The following DTL variants were observed in gnomAD, a reference collection of about 807,000 sequenced individuals.
The protein encoded by DTL is denticleless protein homolog.
A neutral mutation model predicts 87.0 loss-of-function variants in DTL; 46 were observed. The ratio of observed to expected loss-of-function variants is 0.53; its 90% CI spans 0.42 to 0.68. The LOEUF is 0.68. Among genes scored for constraint, DTL ranks in the 30% least tolerant of loss-of-function variants. DTL has a pLI of 0.00. For synonymous variants in DTL, 308 were observed against 311.2 expected, an observed-to-expected ratio of 0.99 and a Z score of 0.11; for missense variants, 737 against 869.4, an observed-to-expected ratio of 0.85 and a Z score of 1.91.
intron 10 of DTL, among the ~76,000 whole-genome samples, chr1:212,071,447 A>G (rs1654667434): frequency 6.6e-6 from 1 of 152,196 alleles, no homozygotes; most frequent in South Asian, 2.1e-4. Context: ...GCTAAACCTA[A>G]TCTAGTGCCT....
rs1375062626 is a variant in DTL at position 212,068,218 on chromosome 1, T to A, written c.714-6T>A. Reference sequence around the variant, plus strand: ...CTACAAAATATTTATTTGCCTTGGTTTTTAGGATAATCAAAGTATGGGATT... The same window carrying A: ...CTACAAAATATTTATTTGCCTTGGTATTTAGGATAATCAAAGTATGGGATT... On this transcript the variant is annotated splice_region_variant and splice_polypyrimidine_tract_variant and intron_variant, in intron 8 of 14. Transcript: ENST00000366991. 1 of 1,587,366 alleles carries A rather than the reference T, an allele frequency of 6.3e-7. No homozygotes were observed. The highest frequency in any genetic ancestry group is 8.6e-7 in the Non-Finnish European group (1 of 1,166,726).
chr1:212,068,748 G>A (rs1259446500), intron 10 of DTL, 45 bp downstream of exon 10: 4 of 1,292,848 alleles, frequency 3.1e-6, no homozygotes, highest in Non-Finnish European at 4.4e-6. Context: ...AAAGCATTAT[G>A]GGCTTTTTTT....
At chr1:212,046,763 A>G (rs765417839) in intron 3 of DTL, among the ~76,000 whole-genome samples, 49 of 152,126 alleles carry the variant, frequency 3.2e-4, no homozygotes, top group Non-Finnish European at 5.7e-4. Context: ...GCATGCATGT[A>G]TCTTTATAAT....
At chr1:212,067,701 C>T (rs1163574961) in intron 8 of DTL, among the ~76,000 whole-genome samples, 1 of 152,142 alleles carries the variant, frequency 6.6e-6, no homozygotes. Context: ...ACTGTCATTT[C>T]ATAGCAGGTC....
chr1:212,037,084 T>A (rs1377014545), intron 1 of DTL, among the ~76,000 whole-genome samples: 1 of 152,220 alleles, frequency 6.6e-6, no homozygotes, highest in Non-Finnish European at 1.5e-5. Flanking sequence ...GTCCTCTGTT[T>A]AAGAGTGACA....
chr1:212,071,430 T>A (rs1355773760), intron 10 of DTL, among the ~76,000 whole-genome samples: 2 of 152,106 alleles, frequency 1.3e-5, no homozygotes, highest in African/African-American at 4.8e-5. Flanking sequence ...CCATTGAGAG[T>A]GAGAAGGCTA....
At chr1:212,098,983 C>T (rs541682148) in intron 13 of DTL, among the ~76,000 whole-genome samples, 1 of 152,308 alleles carries the variant, frequency 6.6e-6, no homozygotes, top group South Asian at 2.1e-4. Context: ...AGCTGAAAGT[C>T]TCCTTCTCCC....
chr1:212,084,610 C>T (rs1158558858), intron 13 of DTL, among the ~76,000 whole-genome samples: 1 of 152,192 alleles, frequency 6.6e-6, no homozygotes, highest in Non-Finnish European at 1.5e-5. Flanking sequence ...CCAGAGGCAA[C>T]CTCTTTCAAA....
At chr1:212,080,153 G>C (rs1162928699) in intron 12 of DTL, among the ~76,000 whole-genome samples, 4 of 152,188 alleles carry the variant, frequency 2.6e-5, no homozygotes, top group East Asian at 3.9e-4. Flanking sequence ...GCCTACTAGA[G>C]TCATGGGCCA....
chr1:212,059,534 G>T (rs145095667), intron 5 of DTL, among the ~76,000 whole-genome samples: 14 of 151,922 alleles, frequency 9.2e-5, no homozygotes, highest in African/African-American at 3.4e-4. Context: ...ACATAAAAAG[G>T]CTGTATATGA....
At chr1:212,069,653 C>T (rs970700395) in intron 10 of DTL, among the ~76,000 whole-genome samples, 3 of 151,798 alleles carry the variant, frequency 2.0e-5, no homozygotes, top group Non-Finnish European at 4.4e-5. Context: ...TCAAGCAATT[C>T]TCCTGCCTCA....
At chr1:212,093,975 G>T (rs1655369206) in intron 13 of DTL, among the ~76,000 whole-genome samples, 1 of 152,114 alleles carries the variant, frequency 6.6e-6, no homozygotes, top group Non-Finnish European at 1.5e-5. Context: ...CAATTTTTTT[G>T]AGTTCCTTGT....
chr1:212,084,311 G>A (rs1187730709), intron 13 of DTL, among the ~76,000 whole-genome samples: 1 of 151,054 alleles, frequency 6.6e-6, no homozygotes, highest in Admixed American at 6.6e-5. Context: ...TCAGCCTCCT[G>A]AGTAGCTGGA....
intron 5 of DTL, chr1:212,051,627 T>A: frequency 1.2e-6 from 1 of 816,178 alleles, no homozygotes; most frequent in Non-Finnish European, 2.1e-6. Context: ...GCGCTTTAGT[T>A]GAACCCAGGT....
At chr1:212,043,506 G>A (rs1336710767) in intron 2 of DTL, among the ~76,000 whole-genome samples, 1 of 152,112 alleles carries the variant, frequency 6.6e-6, no homozygotes, top group Non-Finnish European at 1.5e-5. Flanking sequence ...CAGGCTCAGT[G>A]GCTCACACCT....
At position 212,078,392 on chromosome 1, in the gene DTL, C is replaced by T. The variant is rs1052248100; in HGVS notation, c.1125+130C>T. 8.1e-6 allele frequency: 5 copies of T among 617,052 alleles called. No individual in the cohort carries two copies. In the Admixed American group the frequency reaches 1.5e-4, roughly 18 times the overall value. 38.2% of individuals were successfully genotyped at this position (617,052 alleles called of 1,614,324 possible). On this transcript the variant is annotated intron_variant, in intron 12 of 14. Coordinates refer to ENST00000366991, the MANE Select transcript of DTL (RefSeq NM_016448.4). ...AGATTTTAAAGACCTAAAGGCCATC[C>T]AGGATCTATATTCACATTACTCAGG...
intron 11 of DTL, among the ~76,000 whole-genome samples, chr1:212,077,836 T>G (rs1380390163): frequency 6.6e-6 from 1 of 152,168 alleles, no homozygotes; most frequent in Non-Finnish European, 1.5e-5. Flanking sequence ...CCAGAAAGTT[T>G]ACCACCTAAG....
At chr1:212,094,907 A>G (rs771964982) in intron 13 of DTL, among the ~76,000 whole-genome samples, 18 of 152,292 alleles carry the variant, frequency 1.2e-4, no homozygotes, top group South Asian at 4.1e-4. Context: ...CTGTTGCTGT[A>G]TAGCAGTACT....
At chr1:212,087,330 C>T (rs550267799) in intron 13 of DTL, among the ~76,000 whole-genome samples, 13 of 152,012 alleles carry the variant, frequency 8.6e-5, no homozygotes, top group Admixed American at 5.9e-4. Context: ...GGGTGGATCA[C>T]GAGGTCAGGA....
Sources: allele counts gnomAD v4.1 joint callset (sites outside exome capture counted in the v4.1 genomes callset), GRCh38; gene constraint gnomAD v4.1.1; transcripts MANE v1.5; gene names NCBI Gene and HGNC (gene_info 2026-07-23, HGNC 2026-07-21).